Variants in UNC5B observed in about 807,000 individuals in gnomAD.
UNC5B encodes the protein unc-5 netrin receptor B, also known as netrin receptor UNC5B.
In UNC5B, 56 loss-of-function variants were observed where a neutral mutation model predicts 103.7. The ratio of observed to expected loss-of-function variants is 0.54; its 90% confidence interval spans 0.44 to 0.67. UNC5B has a LOEUF of 0.67. UNC5B is among the 30% of genes least tolerant of loss of function. The pLI is 0.00. For synonymous variants in UNC5B, 577 were observed against 542.0 expected, an observed-to-expected ratio of 1.06 and a Z score of -0.90; for missense variants, 1,194 against 1,284.5, an observed-to-expected ratio of 0.93 and a Z score of 1.08.
At chr10:71,245,409 A>G (rs1844007575) in intron 1 of UNC5B, among the ~76,000 whole-genome samples, 1 of 152,106 alleles carries the variant, frequency 6.6e-6, no homozygotes, top group Admixed American at 6.5e-5. Context: ...TGAGTCTGGC[A>G]GGGGGGACCC....
In UNC5B at chr10:71,295,867, G is replaced by A. The variant is rs372949421; in HGVS notation, c.2232G>A (p.Pro744=). Residue 744 remains proline (P), a synonymous_variant, in exon 14 of 17, where the codon CCG becomes CCA. Coordinates refer to ENST00000335350, the MANE Select transcript of UNC5B (RefSeq NM_170744.5). ...GATACTTGGTGGAGGAGCCGAAACC[G>A]CTAATGTTCAAGGACAGTTACCACA... is the stretch of plus-strand genomic sequence containing the variant. ...LGGYLVEEPK[P]LMFKDSYHNL... 9.3e-6 allele frequency: 15 copies of A among 1,613,120 alleles called. No individual in the cohort carries two copies. In the African/African-American group the frequency reaches 1.1e-4, roughly 11 times the overall value.
In UNC5B at chr10:71,286,755, G is replaced by A. The variant is rs564345336; in HGVS notation, c.619G>A (p.Asp207Asn). 2.3e-5 allele frequency: 37 copies of A among 1,614,148 alleles called. No homozygotes were observed. In the South Asian group the frequency reaches 2.6e-4, roughly 11 times the overall value. ...GGACACCAACTTCCTGCTCACCATC[G>A]ACCACAACCTCATCATCCGCCAGGC... ...TQDTNFLLTI[D>N]HNLIIRQARL... The change falls in exon 5 of 17, where the codon GAC (aspartate) becomes AAC (asparagine). Residue 207 changes from aspartate (D) to asparagine (N), a missense_variant. Transcript: ENST00000335350.
chr10:71,214,592 G>A (rs1010371593), intron 1 of UNC5B, among the ~76,000 whole-genome samples: 1 of 152,128 alleles, frequency 6.6e-6, no homozygotes, highest in Non-Finnish European at 1.5e-5. Flanking sequence ...GATGATTGAA[G>A]GGTAGGGTGA....
intron 2 of UNC5B, among the ~76,000 whole-genome samples, chr10:71,281,632 A>G (rs1270393842): frequency 3.9e-5 from 6 of 152,156 alleles, no homozygotes; most frequent in African/African-American, 9.6e-5. Context: ...GAGCCACCAC[A>G]CCCAGCTAGA....
chr10:71,254,070 C>T (rs925031481), intron 1 of UNC5B, among the ~76,000 whole-genome samples: 1 of 152,182 alleles, frequency 6.6e-6, no homozygotes, highest in African/African-American at 2.4e-5. Flanking sequence ...ATGAGCTCAA[C>T]GTCACATCAA....
intron 1 of UNC5B, among the ~76,000 whole-genome samples, chr10:71,278,718 C>G (rs571530467): frequency 6.6e-6 from 1 of 152,196 alleles, no homozygotes; most frequent in Non-Finnish European, 1.5e-5. Flanking sequence ...GGACACCACC[C>G]GCTCCCCTCC....
chr10:71,283,346 T>A (rs1252408856), intron 2 of UNC5B, among the ~76,000 whole-genome samples: 5 of 152,012 alleles, frequency 3.3e-5, no homozygotes, highest in African/African-American at 1.2e-4. Flanking sequence ...TGTGGCGGAG[T>A]AGTCACCATA....
At chr10:71,298,981 G>T (rs1845517647) in intron 16 of UNC5B, 131 bp from the exon 17 acceptor site, 2 of 1,202,200 alleles carry the variant, frequency 1.7e-6, no homozygotes, top group Non-Finnish European at 2.4e-6. Flanking sequence ...CACAGTAGCT[G>T]CAATTCAGAC....
At chr10:71,218,337 A>G (rs1047138128) in intron 1 of UNC5B, 1 of 152,234 alleles carries the variant, frequency 6.6e-6, no homozygotes, top group African/African-American at 2.4e-5. Flanking sequence ...TTTGTGTATA[A>G]ATAGGTATGT....
chr10:71,231,461 C>G (rs1843681554), intron 1 of UNC5B, among the ~76,000 whole-genome samples: 1 of 152,202 alleles, frequency 6.6e-6, no homozygotes, highest in Non-Finnish European at 1.5e-5. Flanking sequence ...TCTTCCAGCA[C>G]TTCTTGCCAT....
chr10:71,233,994 T>G (rs893535425), intron 1 of UNC5B, among the ~76,000 whole-genome samples: 2 of 152,256 alleles, frequency 1.3e-5, no homozygotes, highest in Non-Finnish European at 1.5e-5. Flanking sequence ...CTTCTCTGCC[T>G]GATGAGTGTG....
At chr10:71,278,745 G>A (rs946429634) in intron 1 of UNC5B, among the ~76,000 whole-genome samples, 2 of 152,252 alleles carry the variant, frequency 1.3e-5, no homozygotes, top group South Asian at 2.1e-4. Context: ...TGTAGGTGGG[G>A]CCTCTAGCTG....
At chr10:71,239,226 G>A (rs771317907) in intron 1 of UNC5B, among the ~76,000 whole-genome samples, 1 of 152,172 alleles carries the variant, frequency 6.6e-6, no homozygotes, top group Non-Finnish European at 1.5e-5. Flanking sequence ...TACTTGCGTT[G>A]GGATGGCATT....
At chr10:71,296,450 C>A (rs2132316127) in intron 14 of UNC5B, 128 bp from the exon 15 acceptor site, 2 of 1,091,490 alleles carry the variant, frequency 1.8e-6, no homozygotes, top group Admixed American at 5.3e-5. Context: ...GGGCACTTGA[C>A]CCCTCCCTAT....
At chr10:71,290,837 T>C in intron 8 of UNC5B, 78 bp from the exon 9 acceptor site, 1 of 1,492,170 alleles carries the variant, frequency 6.7e-7, no homozygotes, top group Non-Finnish European at 8.9e-7. Context: ...CCCTGCCCTT[T>C]CCAGGGACCC....
chr10:71,261,189 G>A (rs754398519), intron 1 of UNC5B, among the ~76,000 whole-genome samples: 2 of 152,180 alleles, frequency 1.3e-5, no homozygotes, highest in Non-Finnish European at 2.9e-5. Context: ...CAACTCTCTG[G>A]ACCCTGTTTT....
At chr10:71,288,445 C>T in intron 6 of UNC5B, 123 bp from the exon 7 acceptor site, 1 of 1,285,816 alleles carries the variant, frequency 7.8e-7, no homozygotes, top group Admixed American at 2.3e-5. Context: ...GTTCTGGGTT[C>T]CTCATTTCCT....
At chr10:71,235,643 G>A (rs1490782924) in intron 1 of UNC5B, among the ~76,000 whole-genome samples, 1 of 152,144 alleles carries the variant, frequency 6.6e-6, no homozygotes, top group Non-Finnish European at 1.5e-5. Context: ...GGACTGGTAG[G>A]GGGGTCCTAG....
At chr10:71,257,980 C>G (rs937843141) in intron 1 of UNC5B, among the ~76,000 whole-genome samples, 1 of 152,218 alleles carries the variant, frequency 6.6e-6, no homozygotes, top group South Asian at 2.1e-4. Context: ...GAAACAGAGG[C>G]CAGAGGCTTG....
Sources: allele counts gnomAD v4.1 joint callset (sites outside exome capture counted in the v4.1 genomes callset), GRCh38; gene constraint gnomAD v4.1.1; transcripts MANE v1.5; gene names NCBI Gene and HGNC (gene_info 2026-07-23, HGNC 2026-07-21).